SMARCAD1: variants seen among roughly 807,000 people sequenced by gnomAD.
SMARCAD1 encodes the protein SWI/SNF-related matrix-associated actin-dependent regulator of chromatin subfamily A containing DEAD/H box 1.
A neutral mutation model predicts 127.1 loss-of-function variants in SMARCAD1; 25 were observed. The ratio of observed to expected loss-of-function variants is 0.20; its 90% CI spans 0.14 to 0.27. The LOEUF is 0.27. Ranked by LOEUF, SMARCAD1 falls within the 10% of genes least tolerant of loss-of-function variation. SMARCAD1 has a pLI of 1.00. For synonymous variants in SMARCAD1, 400 were observed against 396.9 expected (o/e 1.01, Z -0.09); for missense variants, 807 against 1,206.0 (o/e 0.67, Z 4.90).
intron 2 of SMARCAD1, among the ~76,000 whole-genome samples, chr4:94,214,274 T>G (rs1327462463): frequency 2.6e-5 from 4 of 151,136 alleles, no homozygotes; most frequent in Non-Finnish European, 5.9e-5. Flanking sequence ...TGTTTTTTTT[T>G]TTTTTTTTGA....
intron 10 of SMARCAD1, among the ~76,000 whole-genome samples, 194 bp downstream of exon 10, chr4:94,265,100 T>G (rs186627940): frequency 4.6e-5 from 7 of 152,090 alleles, no homozygotes; most frequent in Non-Finnish European, 4.4e-5. Context: ...TAGGGTATTT[T>G]ATTCTATCAT....
chr4:94,226,339 A>T, intron 3 of SMARCAD1, 43 bp downstream of exon 3: 1 of 1,515,892 alleles, frequency 6.6e-7, no homozygotes, highest in South Asian at 1.2e-5. Context: ...TGTGTGTGAG[A>T]TTTTCCAAGA....
chr4:94,274,975 G>T lies in SMARCAD1; in HGVS notation c.1808+10G>T. 1 of 1,576,122 alleles carries T rather than the reference G, an allele frequency of 6.3e-7. No individual in the cohort carries two copies. Among genetic ancestry groups the T allele is most frequent in the South Asian group, 1.1e-5 (1 of 90,124 alleles). On this transcript the variant is annotated intron_variant, in intron 14 of 23. Transcript: ENST00000354268. ...ATGTAATTGTGACCACGTAAGTATT[G>T]AGAAATTTGGGGAGGATGGATATTT...
At chr4:94,208,665 T>C in intron 2 of SMARCAD1, 81 bp downstream of exon 2, 2 of 1,312,820 alleles carry the variant, frequency 1.5e-6, no homozygotes, top group Non-Finnish European at 2.2e-6. Context: ...TCATTTTTAT[T>C]CTTGATGTCA....
intron 2 of SMARCAD1, among the ~76,000 whole-genome samples, chr4:94,220,252 A>T (rs1743896595): frequency 6.6e-6 from 1 of 152,038 alleles, no homozygotes. Context: ...TTTATTTATT[A>T]TTATTATTTT....
chr4:94,276,546 T>G, intron 15 of SMARCAD1, 72 bp downstream of exon 15: 1 of 1,535,712 alleles, frequency 6.5e-7, no homozygotes, highest in South Asian at 1.2e-5. Flanking sequence ...TATGTAGTAT[T>G]TATTAGCAGA....
At chr4:94,227,537 A>T (rs1327525137) in intron 3 of SMARCAD1, among the ~76,000 whole-genome samples, 1 of 152,086 alleles carries the variant, frequency 6.6e-6, no homozygotes, top group Non-Finnish European at 1.5e-5. Flanking sequence ...GCAAGAGAGG[A>T]TTTGTTGCTG....
intron 8 of SMARCAD1, among the ~76,000 whole-genome samples, chr4:94,252,039 A>G (rs1275073646): frequency 1.3e-5 from 2 of 151,984 alleles, no homozygotes; most frequent in African/African-American, 4.8e-5. Context: ...TTTAGTAGAG[A>G]CAGGGTTTCA....
intron 3 of SMARCAD1, among the ~76,000 whole-genome samples, chr4:94,232,018 T>C (rs954249318): frequency 3.9e-5 from 6 of 151,998 alleles, no homozygotes; most frequent in Non-Finnish European, 7.4e-5. Flanking sequence ...CCCGCCACCA[T>C]GCCAAGCTAA....
chr4:94,207,784 G>C (rs1741418521), upstream of SMARCAD1: 1 of 216,790 alleles, frequency 4.6e-6, no homozygotes, highest in South Asian at 6.3e-5. Context: ...ACGTTAAAAA[G>C]ATGCCTTAGC....
intron 2 of SMARCAD1, among the ~76,000 whole-genome samples, chr4:94,211,195 C>T (rs1742194109): frequency 6.6e-6 from 1 of 152,070 alleles, no homozygotes; most frequent in Non-Finnish European, 1.5e-5. Context: ...TCACTTGAAC[C>T]CTGGAGGTGG....
chr4:94,220,314 C>A (rs1743912597), intron 2 of SMARCAD1, among the ~76,000 whole-genome samples: 1 of 152,122 alleles, frequency 6.6e-6, no homozygotes. Context: ...ATGGCGTGAT[C>A]TTGGCTCGCT....
chr4:94,211,398 A>G (rs1434541740), intron 2 of SMARCAD1, among the ~76,000 whole-genome samples: 1 of 152,238 alleles, frequency 6.6e-6, no homozygotes, highest in African/African-American at 2.4e-5. Flanking sequence ...TGGAGAGGAC[A>G]AGATACTGAA....
chr4:94,224,906 C>T (rs928452953), intron 2 of SMARCAD1, among the ~76,000 whole-genome samples: 5 of 152,104 alleles, frequency 3.3e-5, no homozygotes, highest in African/African-American at 4.8e-5. Context: ...GAATTAATGA[C>T]AGCTATCATT....
In SMARCAD1 at chr4:94,281,474, T is replaced by C. The variant is rs774029035; in HGVS notation, c.2610T>C (p.Gly870=). Residue 870 remains glycine (G), a splice_region_variant and synonymous_variant, in exon 21 of 24, where the codon GGT becomes GGC. Coordinates refer to ENST00000354268, the MANE Select transcript of SMARCAD1 (RefSeq NM_020159.5). ...AATTCATGTATGTATTTTCACAGGG[T>C]GATAGAGTTGTGTTATTTAGCCAAT... ...GCILSELKQK[G]DRVVLFSQFT... is the part of the protein sequence containing the mutation. The C allele has an allele frequency of 6.3e-7, 1 of 1,594,780 alleles. No individual in the cohort carries two copies. The highest frequency in any genetic ancestry group is 8.6e-7 in the Non-Finnish European group (1 of 1,162,742).
chr4:94,266,136 A>C (rs1485167879), intron 10 of SMARCAD1, among the ~76,000 whole-genome samples: 1 of 152,086 alleles, frequency 6.6e-6, no homozygotes, highest in Non-Finnish European at 1.5e-5. Flanking sequence ...CATAGAAAGA[A>C]CTATATCAGC....
At chr4:94,208,877 G>A (rs577636283) in intron 2 of SMARCAD1, among the ~76,000 whole-genome samples, 1 of 152,298 alleles carries the variant, frequency 6.6e-6, no homozygotes, top group South Asian at 2.1e-4. Flanking sequence ...GAAGAGCGAT[G>A]TCAGTGATTC....
intron 2 of SMARCAD1, among the ~76,000 whole-genome samples, chr4:94,225,248 C>T (rs1421415342): frequency 6.6e-6 from 1 of 152,122 alleles, no homozygotes; most frequent in Non-Finnish European, 1.5e-5. Context: ...GCTTTGAAGT[C>T]CAAGATCAAG....
intron 23 of SMARCAD1, among the ~76,000 whole-genome samples, chr4:94,288,165 A>G (rs539428397): frequency 1.2e-4 from 18 of 152,268 alleles, no homozygotes; most frequent in African/African-American, 4.1e-4. Context: ...ATATTCCTCA[A>G]AGTTGGTACA....
Sources: gnomAD v4.1 joint callset for allele counts (sites outside exome capture counted in the v4.1 genomes callset) on GRCh38, gnomAD v4.1.1 for gene constraint, MANE v1.5 for transcripts, NCBI Gene and HGNC (gene_info 2026-07-23, HGNC 2026-07-21) for gene names.